PREX2: variants seen among roughly 807,000 people sequenced by gnomAD.
The protein encoded by PREX2 is phosphatidylinositol-3,4,5-trisphosphate dependent Rac exchange factor 2, also known as phosphatidylinositol 3,4,5-trisphosphate-dependent Rac exchanger 2 protein.
Under a neutral mutation model 203.2 loss-of-function variants are expected in PREX2, and 107 were observed. The ratio of observed to expected loss-of-function variants is 0.53; its 90% confidence interval spans 0.45 to 0.62. PREX2 has a LOEUF of 0.62. Among genes scored for constraint, PREX2 ranks in the 20% least tolerant of loss-of-function variants. PREX2 has a pLI of 0.00. For synonymous variants in PREX2, 672 were observed against 663.6 expected (o/e 1.01, Z -0.19); for missense variants, 1,777 against 1,955.9 (o/e 0.91, Z 1.72).
At chr8:68,007,703 A>ACGG (rs1807136287) in intron 1 of PREX2, among the ~76,000 whole-genome samples, 1 of 151,978 alleles carries the variant, frequency 6.6e-6, no homozygotes. Flanking sequence ...TCCGCCTCCT[A>ACGG]GGTTCATACC....
chr8:67,967,942 G>A (rs1450952529), intron 1 of PREX2, among the ~76,000 whole-genome samples: 7 of 152,154 alleles, frequency 4.6e-5, no homozygotes, highest in African/African-American at 1.2e-4. Flanking sequence ...GGGGTTGGGG[G>A]AGGGATAGCA....
chr8:68,187,110 C>T (rs1474137099), intron 35 of PREX2, among the ~76,000 whole-genome samples: 1 of 151,780 alleles, frequency 6.6e-6, no homozygotes, highest in Non-Finnish European at 1.5e-5. Context: ...AGCAATGCTT[C>T]CCTTAGGTGG....
intron 1 of PREX2, among the ~76,000 whole-genome samples, chr8:67,988,025 C>T (rs534227683): frequency 2.3e-4 from 35 of 152,278 alleles, no homozygotes; most frequent in African/African-American, 6.0e-4. Flanking sequence ...GTGAATAACC[C>T]GTTTCATTTT....
At chr8:68,011,451 T>A (rs1458900407) in intron 1 of PREX2, among the ~76,000 whole-genome samples, 1 of 151,974 alleles carries the variant, frequency 6.6e-6, no homozygotes, top group Non-Finnish European at 1.5e-5. Flanking sequence ...ACAACATTAC[T>A]ATTAGAATAC....
intron 1 of PREX2, among the ~76,000 whole-genome samples, chr8:67,976,666 AGACAGAGAGAGAGACAG>A (rs1380072673): frequency 0.066 from 7,228 of 109,220 alleles, 1,050 homozygotes; most frequent in East Asian, 0.18. Flanking sequence ...GACGGGAGAG[AGACAGAGAGAGAGACAG>A]GAGAGAGACA....
chr8:67,954,036 A>G (rs1443951131), intron 1 of PREX2, among the ~76,000 whole-genome samples: 2 of 152,226 alleles, frequency 1.3e-5, no homozygotes, highest in African/African-American at 4.8e-5. Context: ...AGAGACAGTT[A>G]ATCTAATTAT....
intron 37 of PREX2, among the ~76,000 whole-genome samples, chr8:68,205,277 T>C (rs1268664783): frequency 6.6e-6 from 1 of 152,196 alleles, no homozygotes; most frequent in East Asian, 1.9e-4. Context: ...AACTTGTTGC[T>C]GAAACAAATA....
Position 68,149,481 on chromosome 8 carries a change from CA to C in PREX2, c.4231+3131del, listed in dbSNP as rs1157749292. On this transcript the variant is annotated intron_variant, in intron 34 of 39. Coordinates refer to ENST00000288368, the MANE Select transcript of PREX2 (RefSeq NM_024870.4). ...CTAGAGTGTGCCAATCACACTAAAA[CA>C]ATCTTCTGGCTGGTATTCCTAAGTG... 2.0e-5 allele frequency among the ~76,000 whole-genome samples: 3 copies of C among 152,202 alleles called. No individual in the cohort carries two copies. The South Asian group carries it at 6.2e-4, about 32-fold the overall frequency.
intron 1 of PREX2, among the ~76,000 whole-genome samples, chr8:67,967,635 G>A (rs1252674738): frequency 6.6e-6 from 1 of 152,170 alleles, no homozygotes; most frequent in Non-Finnish European, 1.5e-5. Context: ...AGTGGGGCAG[G>A]GGTGGGAATT....
At chr8:68,117,640 C>T (rs571455138) in intron 26 of PREX2, among the ~76,000 whole-genome samples, 2 of 152,158 alleles carry the variant, frequency 1.3e-5, no homozygotes, top group African/African-American at 2.4e-5. Context: ...AAGTTAAGGA[C>T]GTCCTTTTTA....
At chr8:68,183,222 A>G (rs371772870) in intron 35 of PREX2, among the ~76,000 whole-genome samples, 140 of 152,292 alleles carry the variant, frequency 9.2e-4, no homozygotes, top group African/African-American at 3.0e-3. Flanking sequence ...TAGGGTATAC[A>G]GAGAAAGGAC....
chr8:68,146,417 A>C, intron 34 of PREX2, 65 bp downstream of exon 34: 1 of 1,331,980 alleles, frequency 7.5e-7, no homozygotes, highest in Non-Finnish European at 1.0e-6. Flanking sequence ...ATGCTTTTAT[A>C]AATGTGATTT....
chr8:68,081,399 T>G (rs746898140), intron 17 of PREX2, among the ~76,000 whole-genome samples: 7 of 152,080 alleles, frequency 4.6e-5, no homozygotes, highest in Admixed American at 2.0e-4. Flanking sequence ...CAGCCTGGGA[T>G]TGGGGACCCC....
chr8:68,108,179 A>T lies in PREX2; in HGVS notation c.2786A>T (p.His929Leu). 1 of 1,613,866 alleles carries T rather than the reference A, an allele frequency of 6.2e-7. No individual in the cohort carries two copies. The highest frequency in any genetic ancestry group is 1.1e-5 in the South Asian group (1 of 91,074). The change falls in exon 24 of 40, where the codon CAC (histidine) becomes CTC (leucine). Residue 929 changes from histidine to leucine, a missense_variant. Physicochemically the swap from His to Leu is moderately conservative, Grantham distance 99. Transcript: ENST00000288368. Reference sequence around the variant, plus strand: ...GCCAAATCTAAAATCTCCCCACTGCACAGCAGTGATTTCTGCCCTACCAAC... The same window carrying T: ...GCCAAATCTAAAATCTCCCCACTGCTCAGCAGTGATTTCTGCCCTACCAAC... Reference protein sequence around the residue: ...KQAKSKISPLHSSDFCPTNCH... With the variant: ...KQAKSKISPLLSSDFCPTNCH...
At chr8:67,971,018 T>C (rs1805910919) in intron 1 of PREX2, among the ~76,000 whole-genome samples, 1 of 152,206 alleles carries the variant, frequency 6.6e-6, no homozygotes, top group Non-Finnish European at 1.5e-5. Context: ...GGTGTTGCTT[T>C]TGTGGAACAG....
At chr8:68,227,334 A>G (rs1267799779) in intron 39 of PREX2, among the ~76,000 whole-genome samples, 1 of 152,186 alleles carries the variant, frequency 6.6e-6, no homozygotes, top group Non-Finnish European at 1.5e-5. Context: ...TAGGATGACC[A>G]CCAAATCTTT....
At position 68,007,917 on chromosome 8, in the gene PREX2, C is replaced by T. The variant is rs370351103; in HGVS notation, c.142-9929C>T. Among the ~76,000 whole-genome samples the T allele has an allele frequency of 6.2e-4, 95 of 152,284 alleles. 1 individual carries two copies. Among genetic ancestry groups the T allele is most frequent in the Admixed American group, 1.1e-3 (17 of 15,298 alleles). On this transcript the variant is annotated intron_variant, in intron 1 of 39. Transcript: ENST00000288368. ...AGCCACCGCGCCCGGCCCTCAGTTA[C>T]TTCACATATATTAATTTGTTTAATG...
chr8:68,118,705 A>C lies in PREX2; in HGVS notation c.3421+61A>C, dbSNP rs187688568. On this transcript the variant is annotated intron_variant, in intron 27 of 39. Coordinates refer to ENST00000288368, the MANE Select transcript of PREX2 (RefSeq NM_024870.4). Reference sequence around the variant, plus strand: ...TATTAGTCCTATAGGAGATAACTTTAAGGTTTTAATTTCGTAGATCCATAT... The same window carrying C: ...TATTAGTCCTATAGGAGATAACTTTCAGGTTTTAATTTCGTAGATCCATAT... The C allele has an allele frequency of 2.0e-4, 248 of 1,213,720 alleles. No homozygotes were observed. The East Asian group carries it at 2.6e-3, about 13-fold the overall frequency. 75.2% of individuals were successfully genotyped at this position (1,213,720 alleles called of 1,614,324 possible).
chr8:68,127,045 T>G (rs1810907684), intron 30 of PREX2, among the ~76,000 whole-genome samples: 1 of 152,104 alleles, frequency 6.6e-6, no homozygotes, highest in Admixed American at 6.6e-5. Flanking sequence ...CTAAAACAGC[T>G]AAGGATGACC....
Sources: allele counts gnomAD v4.1 joint callset (sites outside exome capture counted in the v4.1 genomes callset), GRCh38; gene constraint gnomAD v4.1.1; transcripts MANE v1.5; gene names NCBI Gene and HGNC (gene_info 2026-07-23, HGNC 2026-07-21).